TLN2: variants seen among roughly 807,000 people sequenced by gnomAD.
TLN2 encodes talin-2.
In TLN2, 118 loss-of-function variants were observed where a neutral mutation model predicts 294.7. The observed-to-expected ratio is 0.40, with a 90% CI of 0.34 to 0.47. The LOEUF is 0.47. Among genes scored for constraint, TLN2 ranks in the 20% least tolerant of loss-of-function variants. The probability of loss-of-function intolerance (pLI) is 0.84; values close to 1 mark genes in which losing one functional copy is unlikely to be tolerated. For missense variants in TLN2, 3,083 were observed against 3,282.2 expected, an observed-to-expected ratio of 0.94 and a Z score of 1.48; for synonymous variants, 1,431 against 1,304.5, an observed-to-expected ratio of 1.10 and a Z score of -2.09.
At chr15:62,775,693 C>T (rs1463086512) in intron 42 of TLN2, among the ~76,000 whole-genome samples, 1 of 152,192 alleles carries the variant, frequency 6.6e-6, no homozygotes, top group African/African-American at 2.4e-5. Context: ...GCTTCTTTAC[C>T]TTCTCATTTA....
At chr15:62,797,841 A>G (rs943637210) in intron 48 of TLN2, among the ~76,000 whole-genome samples, 3 of 152,192 alleles carry the variant, frequency 2.0e-5, no homozygotes, top group Non-Finnish European at 4.4e-5. Flanking sequence ...CTGCCCAGGC[A>G]CGGGGCTGTG....
In TLN2 at chr15:62,615,674, A is replaced by C. The variant is rs528747902; in HGVS notation, c.-161-2677A>C. 1.1e-4 allele frequency among the ~76,000 whole-genome samples: 16 copies of C among 152,354 alleles called. No individual in the cohort carries two copies. The South Asian group carries it at 3.3e-3, about 32-fold the overall frequency. ...AGTTTATATCATTTTGTATCCTGCA[A>C]ACAAAGCAGTGATGGATATCTTGGA... On this transcript the variant is annotated intron_variant, in intron 2 of 58. Transcript: ENST00000636159.
Position 62,609,677 on chromosome 15 carries a change from A to G in TLN2, c.-161-8674A>G, listed in dbSNP as rs377374680. Among the ~76,000 whole-genome samples, 4 of 152,168 alleles carry G rather than the reference A, an allele frequency of 2.6e-5. No individual in the cohort carries two copies. In the South Asian group the frequency reaches 6.2e-4, roughly 24 times the overall value. ...TTTGCACCGCATCATGTGGTGCCCA[A>G]TCTAGATGTGTCCTGTTACCGATGG... On this transcript the variant is annotated intron_variant, in intron 2 of 58. Transcript: ENST00000636159.
chr15:62,544,870 G>A (rs1188258712), intron 1 of TLN2, among the ~76,000 whole-genome samples: 1 of 151,872 alleles, frequency 6.6e-6, no homozygotes, highest in Non-Finnish European at 1.5e-5. Context: ...CAATGCTAGT[G>A]GCAACACATT....
intron 37 of TLN2, among the ~76,000 whole-genome samples, chr15:62,756,494 T>A (rs1023208094): frequency 6.6e-6 from 1 of 151,876 alleles, no homozygotes; most frequent in African/African-American, 2.4e-5. Flanking sequence ...TCGCGCCAGC[T>A]CCCTCCACAG....
At position 62,785,840 on chromosome 15, in the gene TLN2, AT is replaced by A. The variant is rs768452636; in HGVS notation, c.5736+1960del. Among the ~76,000 whole-genome samples the A allele has an allele frequency of 2.9e-3, 435 of 150,414 alleles. 1 individual carries two copies. Among genetic ancestry groups the A allele is most frequent in the African/African-American group, 1.0e-2 (409 of 41,098 alleles). The stretch of plus-strand genomic sequence containing the variant: ...CCCACCCAACGTGTGAAACAAGCAG[AT>A]TTTTTTTTTATTACGACAGAGACCA... On this transcript the variant is annotated intron_variant, in intron 45 of 58. Transcript: ENST00000636159.
chr15:62,448,864 T>C (rs1489120718), intron 1 of TLN2, among the ~76,000 whole-genome samples: 2 of 152,324 alleles, frequency 1.3e-5, no homozygotes, highest in East Asian at 1.9e-4. Flanking sequence ...GAAACTACTA[T>C]AGAGCGTGCT....
intron 32 of TLN2, among the ~76,000 whole-genome samples, chr15:62,746,035 C>T (rs2061591144): frequency 6.6e-6 from 1 of 152,134 alleles, no homozygotes; most frequent in Admixed American, 6.5e-5. Flanking sequence ...AATTTTACAT[C>T]TACAGAAAAG....
intron 28 of TLN2, among the ~76,000 whole-genome samples, chr15:62,732,685 T>C (rs112512988): frequency 5.3e-4 from 80 of 152,290 alleles, no homozygotes; most frequent in African/African-American, 1.8e-3. Flanking sequence ...AGGTAAGAGA[T>C]GGTAGTGTCC....
At chr15:62,549,811 T>A (rs2042198394) in intron 1 of TLN2, among the ~76,000 whole-genome samples, 1 of 152,106 alleles carries the variant, frequency 6.6e-6, no homozygotes. Flanking sequence ...GAGGGAAACA[T>A]GATAAATGAA....
intron 1 of TLN2, among the ~76,000 whole-genome samples, chr15:62,516,397 G>A (rs1567049032): frequency 6.6e-6 from 1 of 152,134 alleles, no homozygotes; most frequent in South Asian, 2.1e-4. Context: ...GTTTATTTTG[G>A]TCCTAATCAC....
intron 9 of TLN2, among the ~76,000 whole-genome samples, chr15:62,666,969 TTC>T (rs2054734152): frequency 1.3e-5 from 2 of 151,984 alleles, no homozygotes; most frequent in Admixed American, 1.3e-4. Flanking sequence ...GCATTTCTTT[TTC>T]TTTTTCTTTT....
intron 50 of TLN2, among the ~76,000 whole-genome samples, chr15:62,804,415 T>C (rs113219001): frequency 0.085 from 12,921 of 152,104 alleles, 1,874 homozygotes; most frequent in African/African-American, 0.3. Flanking sequence ...CTGGGCAACA[T>C]AGGGAAACCA....
chr15:62,814,491 A>AG (rs1491560817), intron 52 of TLN2, among the ~76,000 whole-genome samples: 5 of 99,514 alleles, frequency 5.0e-5, no homozygotes, highest in African/African-American at 2.3e-4. Flanking sequence ...TAAAACTATC[A>AG]AAAAAAAAAA....
intron 28 of TLN2, among the ~76,000 whole-genome samples, chr15:62,730,195 C>T (rs1472542114): frequency 6.6e-6 from 1 of 151,958 alleles, no homozygotes; most frequent in Non-Finnish European, 1.5e-5. Flanking sequence ...GTGTGTGCCA[C>T]CACACCCAGC....
In TLN2 at chr15:62,536,631, G is replaced by A. The variant is rs578261477; in HGVS notation, c.-237-53056G>A. ...CGCTGTAATAGTGTAGATGGTAGAT[G>A]TGCCATCTGTGCGATGTGATATCAT... On this transcript the variant is annotated intron_variant, in intron 1 of 58. Coordinates refer to ENST00000636159, the MANE Select transcript of TLN2 (RefSeq NM_015059.3). 9.2e-5 allele frequency among the ~76,000 whole-genome samples: 14 copies of A among 152,288 alleles called. 1 individual carries two copies. The highest frequency in any genetic ancestry group is 3.4e-4 in the African/African-American group (14 of 41,566).
At chr15:62,590,673 A>C (rs1322942746) in intron 2 of TLN2, among the ~76,000 whole-genome samples, 1 of 152,128 alleles carries the variant, frequency 6.6e-6, no homozygotes, top group African/African-American at 2.4e-5. Context: ...CTTTGGTTGT[A>C]GATTATTGTT....
rs192061442 is a variant in TLN2 at position 62,819,344 on chromosome 15, T to C, written c.6772-172T>C. On this transcript the variant is annotated intron_variant, in intron 52 of 58. Transcript: ENST00000636159. ...ACCTTTTATTTCTCACATGGGGAGA[T>C]TGAAACCCAGTGAGTCGTAAGGGTT... Among the ~76,000 whole-genome samples, 34 of 152,262 alleles carry C rather than the reference T, an allele frequency of 2.2e-4. No individual in the cohort carries two copies. The East Asian group carries it at 6.0e-3, about 27-fold the overall frequency.
At chr15:62,712,970 T>C (rs1332321111) in intron 22 of TLN2, among the ~76,000 whole-genome samples, 1 of 150,896 alleles carries the variant, frequency 6.6e-6, no homozygotes, top group Admixed American at 6.6e-5. Flanking sequence ...TTTCTATGCA[T>C]ATAAGATTCA....
Sources: gnomAD v4.1 joint callset for allele counts (sites outside exome capture counted in the v4.1 genomes callset) on GRCh38, gnomAD v4.1.1 for gene constraint, MANE v1.5 for transcripts, NCBI Gene and HGNC (gene_info 2026-07-23, HGNC 2026-07-21) for gene names.